Variants in CDC42BPA observed in about 807,000 individuals in gnomAD.
The protein encoded by CDC42BPA is CDC42 binding protein kinase alpha.
CDC42BPA carries 80 observed loss-of-function variants against 223.5 expected under a neutral mutation model. That is an observed-to-expected ratio of 0.36 (90% CI 0.30 to 0.43). CDC42BPA has a LOEUF of 0.43. CDC42BPA is among the 20% of genes least tolerant of loss of function. The pLI is 1.00. For synonymous variants in CDC42BPA, 694 were observed against 718.6 expected, an observed-to-expected ratio of 0.97 and a Z score of 0.55; for missense variants, 1,743 against 2,099.9, an observed-to-expected ratio of 0.83 and a Z score of 3.32.
At chr1:227,307,170 G>A (rs998892452) in intron 1 of CDC42BPA, among the ~76,000 whole-genome samples, 2 of 152,088 alleles carry the variant, frequency 1.3e-5, no homozygotes, top group Non-Finnish European at 2.9e-5. Flanking sequence ...TAAACTCCTC[G>A]AAGTCATGTA....
chr1:227,134,597 C>A (rs1658110312), intron 10 of CDC42BPA, among the ~76,000 whole-genome samples: 1 of 152,140 alleles, frequency 6.6e-6, no homozygotes, highest in South Asian at 2.1e-4. Context: ...GGTATTTTTG[C>A]CTTTATCTGC....
chr1:227,112,162 C>A (rs1325579756), intron 14 of CDC42BPA, 150 bp downstream of exon 14: 1 of 448,220 alleles, frequency 2.2e-6, no homozygotes, highest in East Asian at 3.4e-5. Context: ...GTATTAGCTT[C>A]CTACTGGTAA....
chr1:227,245,014 G>A (rs1406820895), intron 2 of CDC42BPA, among the ~76,000 whole-genome samples: 1 of 152,186 alleles, frequency 6.6e-6, no homozygotes, highest in African/African-American at 2.4e-5. Context: ...AAGTCAGAAC[G>A]AGTTTCCCAG....
chr1:227,196,885 T>C (rs1173855640), intron 4 of CDC42BPA, among the ~76,000 whole-genome samples: 1 of 152,224 alleles, frequency 6.6e-6, no homozygotes, highest in Non-Finnish European at 1.5e-5. Context: ...CACTGGTTCA[T>C]TATATTCTAG....
At chr1:227,139,483 T>G (rs1348050797) in intron 10 of CDC42BPA, 93 bp downstream of exon 10, 1 of 805,282 alleles carries the variant, frequency 1.2e-6, no homozygotes, top group Non-Finnish European at 1.8e-6. Flanking sequence ...TTAAAATAAT[T>G]TTTTTCAAAG....
intron 2 of CDC42BPA, among the ~76,000 whole-genome samples, chr1:227,249,565 C>G (rs773670497): frequency 8.5e-5 from 13 of 152,048 alleles, no homozygotes; most frequent in Non-Finnish European, 1.5e-4. Context: ...GGATTAATAA[C>G]CAGAATATAC....
intron 2 of CDC42BPA, among the ~76,000 whole-genome samples, chr1:227,252,067 T>C (rs1390891404): frequency 1.3e-5 from 2 of 152,068 alleles, no homozygotes; most frequent in African/African-American, 4.8e-5. Flanking sequence ...CATATAGCCT[T>C]AAACACAGGT....
intron 3 of CDC42BPA, among the ~76,000 whole-genome samples, chr1:227,211,382 A>T (rs907598422): frequency 1.3e-5 from 2 of 152,158 alleles, no homozygotes; most frequent in African/African-American, 2.4e-5. Context: ...CATTCCATCC[A>T]GCAATCCCAC....
intron 2 of CDC42BPA, among the ~76,000 whole-genome samples, chr1:227,216,722 G>C (rs1171278655): frequency 1.3e-5 from 2 of 152,154 alleles, no homozygotes; most frequent in African/African-American, 4.8e-5. Flanking sequence ...ACATATAACA[G>C]TGTAGTCTGT....
At chr1:227,269,669 T>A (rs1287259920) in intron 1 of CDC42BPA, among the ~76,000 whole-genome samples, 2 of 152,038 alleles carry the variant, frequency 1.3e-5, no homozygotes, top group Non-Finnish European at 2.9e-5. Context: ...TACAAATCAC[T>A]AAGAGAAATA....
intron 2 of CDC42BPA, among the ~76,000 whole-genome samples, chr1:227,241,917 C>T (rs1680087498): frequency 1.3e-5 from 2 of 152,108 alleles, no homozygotes; most frequent in South Asian, 2.1e-4. Context: ...CAATCTTACA[C>T]AAATGCTTTC....
At position 227,254,151 on chromosome 1, in the gene CDC42BPA, T is replaced by C; in HGVS notation, c.183A>G (p.Lys61=). The C allele has an allele frequency of 6.6e-7, 1 of 1,514,820 alleles. No individual in the cohort carries two copies. Among genetic ancestry groups the C allele is most frequent in the Non-Finnish European group, 9.1e-7 (1 of 1,101,690 alleles). The allele number at this position is 1,514,820 out of a possible 1,614,324, so 93.8% of individuals were successfully genotyped here. A position where few individuals can be genotyped will look rare whatever the true frequency, so the allele number is the denominator to read the frequency against. The change falls in exon 2 of 37, where the codon AAA becomes AAG. Residue 61 remains lysine (K), a synonymous_variant. Coordinates refer to ENST00000366766, the MANE Select transcript of CDC42BPA (RefSeq NM_001394014.1). The part of the protein sequence containing the change: ...KNILEYLEWA[K]PFTSKVKQMR... ...TTTGTTTCACTTTAGAAGTAAATGG[T>C]TTAGCTGAAATGAAAGAGCAATATC...
chr1:227,137,918 A>G (rs1007581120), intron 10 of CDC42BPA, among the ~76,000 whole-genome samples: 31 of 152,154 alleles, frequency 2.0e-4, no homozygotes, highest in African/African-American at 7.2e-4. Context: ...TATTCTACAC[A>G]TGAATATGGG....
In CDC42BPA at chr1:227,211,089, C is replaced by A. The variant is rs569241635; in HGVS notation, c.354+2047G>T. Among the ~76,000 whole-genome samples, 6 of 152,264 alleles carry A rather than the reference C, an allele frequency of 3.9e-5. No individual in the cohort carries two copies. The East Asian group carries it at 1.2e-3, about 29-fold the overall frequency. The stretch of plus-strand genomic sequence containing the variant: ...CAAATATCTGCACAATAAACTCAAT[C>A]TCGGTATTTACTCCTTGAGAAATCC... On this transcript the variant is annotated intron_variant, in intron 3 of 36. Coordinates refer to ENST00000366766, the MANE Select transcript of CDC42BPA (RefSeq NM_001394014.1).
At chr1:227,098,001 T>A (rs556710329) in intron 15 of CDC42BPA, among the ~76,000 whole-genome samples, 22 of 152,228 alleles carry the variant, frequency 1.4e-4, no homozygotes, top group Non-Finnish European at 2.5e-4. Flanking sequence ...ATTCCTGTTC[T>A]AAAGCTTTTT....
intron 26 of CDC42BPA, 107 bp from the exon 27 acceptor site, chr1:227,033,522 C>A: frequency 3.2e-6 from 2 of 631,212 alleles, no homozygotes; most frequent in East Asian, 2.8e-5. Context: ...CACCAAACAC[C>A]CAAATTTAAT....
chr1:227,127,842 A>G (rs760276862), intron 11 of CDC42BPA, among the ~76,000 whole-genome samples: 10 of 152,186 alleles, frequency 6.6e-5, no homozygotes, highest in Non-Finnish European at 1.5e-4. Flanking sequence ...TTAAATAGTC[A>G]TTTTTATAAA....
chr1:227,033,320 GCAT>G lies in CDC42BPA; in HGVS notation c.3558+11_3558+13del, dbSNP rs1358909762. 2 of 1,545,394 alleles carry G rather than the reference GCAT, an allele frequency of 1.3e-6. No individual in the cohort carries two copies. Among genetic ancestry groups the G allele is most frequent in the African/African-American group, 1.4e-5 (1 of 73,596 alleles). On this transcript the variant is annotated intron_variant, in intron 27 of 36. Coordinates refer to ENST00000366766, the MANE Select transcript of CDC42BPA (RefSeq NM_001394014.1). ...CACATAATTCAGTGATCAAATTACAGCATACACACTTACCCTAAATATACAGGG... is the reference window on the plus strand; with the variant it reads ...CACATAATTCAGTGATCAAATTACAGACACACTTACCCTAAATATACAGGG...
chr1:227,291,948 T>C (rs970579600), intron 1 of CDC42BPA, among the ~76,000 whole-genome samples: 2 of 152,312 alleles, frequency 1.3e-5, no homozygotes, highest in South Asian at 2.1e-4. Flanking sequence ...TTAAAGACAA[T>C]TTAAAAATAA....
Sources: gnomAD v4.1 joint callset for allele counts (sites outside exome capture counted in the v4.1 genomes callset) on GRCh38, gnomAD v4.1.1 for gene constraint, MANE v1.5 for transcripts, NCBI Gene and HGNC (gene_info 2026-07-23, HGNC 2026-07-21) for gene names.